The following RCOR3 variants were observed in gnomAD, a reference collection of about 807,000 sequenced individuals.
The protein encoded by RCOR3 is REST corepressor 3.
RCOR3 carries 13 observed loss-of-function variants against 64.1 expected under a neutral mutation model. The ratio of observed to expected loss-of-function variants is 0.20; its 90% confidence interval spans 0.13 to 0.32. The LOEUF (loss-of-function observed/expected upper bound fraction) is 0.32. RCOR3 is among the 10% of genes least tolerant of loss of function. The pLI is 1.00. For missense variants in RCOR3, 489 were observed against 701.2 expected (o/e 0.70, Z 3.42); for synonymous variants, 215 against 239.0 (o/e 0.90, Z 0.93).
Position 211,289,387 on chromosome 1 carries a change from A to G in RCOR3, c.930A>G (p.Leu310=). Reference sequence around the variant, plus strand: ...AACTGGACATGGAGTTGATCTCTCTAAAACGTCAGGTATTTTATAAAAATA... The same window carrying G: ...AACTGGACATGGAGTTGATCTCTCTGAAACGTCAGGTATTTTATAAAAATA... ...LRQLDMELIS[L]KRQVQNAKQV... Residue 310 remains leucine (L), a synonymous_variant, in exon 8 of 12, where the codon CTA becomes CTG. Coordinates refer to ENST00000419091, the MANE Select transcript of RCOR3 (RefSeq NM_001136223.3). The G allele has an allele frequency of 6.2e-7, 1 of 1,612,044 alleles. No individual in the cohort carries two copies. The highest frequency in any genetic ancestry group is 8.5e-7 in the Non-Finnish European group (1 of 1,178,510).
At chr1:211,282,422 A>G (rs1393359530) in intron 7 of RCOR3, among the ~76,000 whole-genome samples, 3 of 152,240 alleles carry the variant, frequency 2.0e-5, no homozygotes, top group African/African-American at 7.2e-5. Flanking sequence ...CTATTTAAAG[A>G]AAAATAATAG....
rs1243688239 is a variant in RCOR3, at chr1:211,312,664, A to C, written c.1076-56A>C. On this transcript the variant is annotated intron_variant, in intron 10 of 11. Coordinates refer to ENST00000419091, the MANE Select transcript of RCOR3 (RefSeq NM_001136223.3). The surrounding 1 kb of genome is among the most constrained non-coding windows in gnomAD (Gnocchi z 5.0). ...CTTTTGTGTGTGCATGATGTATAGT[A>C]CACACAGCTCTCCTTATTGATCCTT... 1 of 1,216,894 alleles carries C rather than the reference A, an allele frequency of 8.2e-7. No individual in the cohort carries two copies. Among genetic ancestry groups the C allele is most frequent in the Non-Finnish European group, 1.2e-6 (1 of 825,078 alleles). The allele number at this position is 1,216,894 out of a possible 1,614,324, so 75.4% of individuals were successfully genotyped here. A position where few individuals can be genotyped will look rare whatever the true frequency, so the allele number is the denominator to read the frequency against.
chr1:211,263,547 G>T (rs1259396269), intron 2 of RCOR3, among the ~76,000 whole-genome samples: 4 of 152,028 alleles, frequency 2.6e-5, no homozygotes, highest in Non-Finnish European at 4.4e-5. Flanking sequence ...CTAAACCTAA[G>T]GACACAATTA....
chr1:211,259,588 G>C lies in RCOR3; in HGVS notation c.28G>C (p.Glu10Gln). Residue 10 changes from glutamate to glutamine, a missense_variant, in exon 1 of 12, where the codon GAG becomes CAG. Glu to Gln is a conservative substitution (Grantham distance 29, BLOSUM62 2). Coordinates refer to ENST00000419091, the MANE Select transcript of RCOR3 (RefSeq NM_001136223.3). MPGMMEKGPELLGKNRSANG... is the reference protein window; with the variant it reads MPGMMEKGPQLLGKNRSANG... ...GCCCGGCATGATGGAGAAAGGGCCC[G>C]AGTTACTGGGGAAGAACCGATCGGC... The C allele has an allele frequency of 1.3e-6, 2 of 1,548,220 alleles. No homozygotes were observed. The highest frequency in any genetic ancestry group is 1.7e-6 in the Non-Finnish European group (2 of 1,146,048).
rs1019130600 is a variant in RCOR3 at position 211,279,362 on chromosome 1, C to A, written c.720+46C>A. 4 of 1,409,288 alleles carry A rather than the reference C, an allele frequency of 2.8e-6. 1 individual carries two copies. The highest frequency in any genetic ancestry group is 4.0e-6 in the Non-Finnish European group (4 of 1,002,856). The allele number at this position is 1,409,288 out of a possible 1,614,324, so 87.3% of individuals were successfully genotyped here. On this transcript the variant is annotated intron_variant, in intron 7 of 11. Coordinates refer to ENST00000419091, the MANE Select transcript of RCOR3 (RefSeq NM_001136223.3). ...TACTTGTGATTGTTCTACAAATCTG[C>A]TGAAAAAGAATGAACAGTACTTCGT...
intron 7 of RCOR3, among the ~76,000 whole-genome samples, chr1:211,281,402 TCTC>T (rs1410672001): frequency 6.6e-6 from 1 of 152,186 alleles, no homozygotes; most frequent in East Asian, 1.9e-4. Context: ...TAGGTTCTCG[TCTC>T]CTCTGAATTA....
chr1:211,271,712 C>T (rs1696230840), intron 3 of RCOR3: 1 of 325,844 alleles, frequency 3.1e-6, no homozygotes, highest in Admixed American at 3.8e-5. Context: ...GGGGAAAGAA[C>T]TGACTTCAGC....
At chr1:211,269,947 G>A (rs1452627415) in intron 2 of RCOR3, among the ~76,000 whole-genome samples, 2 of 152,070 alleles carry the variant, frequency 1.3e-5, no homozygotes, top group Non-Finnish European at 1.5e-5. Flanking sequence ...AGGCAGCATA[G>A]CAAGACTTCA....
At chr1:211,279,963 T>G (rs1434317753) in intron 7 of RCOR3, among the ~76,000 whole-genome samples, 1 of 152,184 alleles carries the variant, frequency 6.6e-6, no homozygotes, top group Non-Finnish European at 1.5e-5. Flanking sequence ...GTTGCTACTA[T>G]GAAAAACAGT....
At chr1:211,270,548 CA>C (rs11422589) in intron 2 of RCOR3, among the ~76,000 whole-genome samples, 18 of 147,914 alleles carry the variant, frequency 1.2e-4, no homozygotes, top group Non-Finnish European at 1.6e-4. Flanking sequence ...AGACATGGGG[CA>C]AAAAAAAAAA....
In RCOR3 at chr1:211,291,894, A is replaced by G. The variant is rs943947301; in HGVS notation, c.939+2498A>G. Among the ~76,000 whole-genome samples, 3 of 152,144 alleles carry G rather than the reference A, an allele frequency of 2.0e-5. No homozygotes were observed. The East Asian group carries it at 5.8e-4, about 29-fold the overall frequency. On this transcript the variant is annotated intron_variant, in intron 8 of 11. Coordinates refer to ENST00000419091, the MANE Select transcript of RCOR3 (RefSeq NM_001136223.3). ...AACACTTTGGGAGGCCAAGACAGGA[A>G]CATCACTTGAGGCCAGGAGTTTGAC...
intron 2 of RCOR3, among the ~76,000 whole-genome samples, chr1:211,263,612 C>T (rs1694730066): frequency 1.3e-5 from 2 of 152,098 alleles, no homozygotes; most frequent in Admixed American, 6.5e-5. Context: ...AAAAGCTAAT[C>T]TTATCAATCA....
intron 7 of RCOR3, among the ~76,000 whole-genome samples, chr1:211,285,482 CTTGAAAG>C (rs1698415097): frequency 6.6e-6 from 1 of 152,192 alleles, no homozygotes; most frequent in Admixed American, 6.5e-5. Context: ...CTGGCCTAGC[CTTGAAAG>C]TTACTCAGAG....
chr1:211,260,063 C>T (rs1367747309), intron 1 of RCOR3, 45 bp from the exon 2 acceptor site: 20 of 1,443,068 alleles, frequency 1.4e-5, no homozygotes, highest in South Asian at 4.0e-5. Flanking sequence ...TCTTTCTTTT[C>T]TTCTTTTTTA....
In RCOR3 at chr1:211,289,179, G is replaced by T. The variant is rs772420204; in HGVS notation, c.722G>T (p.Gly241Val). Residue 241 changes from glycine (G) to valine (V), a missense_variant and splice_region_variant, in exon 8 of 12, where the codon GGT becomes GTT. By Grantham distance (109) the Gly-to-Val change is moderately radical (BLOSUM62 -3). Around this residue, in one of 2 missense-constraint regions of RCOR3, gnomAD observed 402 missense variants for 617.0 expected, o/e 0.65. Coordinates refer to ENST00000419091, the MANE Select transcript of RCOR3 (RefSeq NM_001136223.3). Reference protein sequence around the residue: ...YDPKKEAKKEGNTEQPVQTSK... With the variant: ...YDPKKEAKKEVNTEQPVQTSK... ...GTTATTCTGCTTTTATTCTCTTAGG[G>T]TAATACTGAACAACCTGTCCAAACT... 2 of 1,612,422 alleles carry T rather than the reference G, an allele frequency of 1.2e-6. No individual in the cohort carries two copies. The highest frequency in any genetic ancestry group is 1.7e-6 in the Non-Finnish European group (2 of 1,178,534).
At chr1:211,289,527 A>C in intron 8 of RCOR3, 131 bp downstream of exon 8, 1 of 707,904 alleles carries the variant, frequency 1.4e-6, no homozygotes, top group Non-Finnish European at 2.3e-6. Context: ...TCATTTTTTA[A>C]AGTTTATCTT....
chr1:211,310,210 T>C (rs1320510405), intron 10 of RCOR3, among the ~76,000 whole-genome samples: 2 of 152,124 alleles, frequency 1.3e-5, no homozygotes, highest in Non-Finnish European at 2.9e-5. Flanking sequence ...ATTATGAAAT[T>C]TGTCACAACA....
At chr1:211,297,031 T>C (rs1347685489) in intron 9 of RCOR3, among the ~76,000 whole-genome samples, 2 of 152,018 alleles carry the variant, frequency 1.3e-5, no homozygotes, top group Non-Finnish European at 2.9e-5. Flanking sequence ...ATGTGTCTTA[T>C]CAAAATTGCC....
chr1:211,279,369 A>C, intron 7 of RCOR3, 53 bp downstream of exon 7: 3 of 1,339,030 alleles, frequency 2.2e-6, no homozygotes, highest in Non-Finnish European at 3.2e-6. Context: ...CTGCTGAAAA[A>C]GAATGAACAG....
Sources: gnomAD v4.1 joint callset for allele counts (sites outside exome capture counted in the v4.1 genomes callset) on GRCh38, gnomAD v4.1.1 for gene constraint, gnomAD v4.1.1 regional missense constraint, Gnocchi (gnomAD v3.1) non-coding constraint, MANE v1.5 for transcripts, NCBI Gene and HGNC (gene_info 2026-07-23, HGNC 2026-07-21) for gene names.